The following RPTOR variants were observed in gnomAD, a reference collection of about 807,000 sequenced individuals.
The protein encoded by RPTOR is regulatory associated protein of MTOR complex 1.
Under a neutral mutation model 169.9 loss-of-function variants are expected in RPTOR, and 21 were observed. The ratio of observed to expected loss-of-function variants is 0.12; its 90% confidence interval spans 0.09 to 0.18. RPTOR has a LOEUF of 0.18. Ranked by LOEUF, RPTOR falls within the 10% of genes least tolerant of loss-of-function variation. The pLI, the probability that RPTOR is intolerant of heterozygous loss-of-function variation, is 1.00. For synonymous variants in RPTOR, 732 were observed against 753.2 expected (o/e 0.97, Z 0.46); for missense variants, 1,133 against 1,855.9 (o/e 0.61, Z 7.16).
At chr17:80,904,851 C>T (rs933863086) in intron 20 of RPTOR, among the ~76,000 whole-genome samples, 1 of 152,148 alleles carries the variant, frequency 6.6e-6, no homozygotes, top group Non-Finnish European at 1.5e-5. Flanking sequence ...GTGATCACAG[C>T]GTCATACTTT....
chr17:80,759,308 G>A (rs968125710), intron 6 of RPTOR, among the ~76,000 whole-genome samples: 2 of 152,182 alleles, frequency 1.3e-5, no homozygotes, highest in African/African-American at 4.8e-5. Flanking sequence ...AAGGCATGAT[G>A]TGTCATCCCA....
intron 7 of RPTOR, among the ~76,000 whole-genome samples, chr17:80,806,670 G>A (rs926871473): frequency 5.9e-5 from 9 of 152,082 alleles, no homozygotes; most frequent in Non-Finnish European, 8.8e-5. Context: ...ATACTTAGTC[G>A]TTTTCCAAGA....
At chr17:80,618,779 A>G (rs2065332733) in intron 1 of RPTOR, among the ~76,000 whole-genome samples, 1 of 152,254 alleles carries the variant, frequency 6.6e-6, no homozygotes, top group Admixed American at 6.5e-5. Flanking sequence ...GAACAAAGGA[A>G]TATAAAAATA....
At chr17:80,884,701 C>T (rs911061106) in intron 16 of RPTOR, among the ~76,000 whole-genome samples, 4 of 152,228 alleles carry the variant, frequency 2.6e-5, no homozygotes, top group Admixed American at 2.0e-4. Flanking sequence ...ATCCCAGCCC[C>T]CTCGTCTAAC....
At chr17:80,905,788 G>A (rs915542365) in intron 20 of RPTOR, among the ~76,000 whole-genome samples, 4 of 152,274 alleles carry the variant, frequency 2.6e-5, no homozygotes, top group African/African-American at 9.6e-5. Context: ...CACCCTCCTC[G>A]CAGTCTGCCA....
chr17:80,740,767 T>C (rs1194334481), intron 5 of RPTOR, among the ~76,000 whole-genome samples: 1 of 152,218 alleles, frequency 6.6e-6, no homozygotes, highest in African/African-American at 2.4e-5. Context: ...AGAACTTCAA[T>C]TTGATTTTTT....
intron 13 of RPTOR, among the ~76,000 whole-genome samples, chr17:80,879,191 A>G (rs2068156819): frequency 6.6e-6 from 1 of 152,066 alleles, no homozygotes; most frequent in Non-Finnish European, 1.5e-5. Flanking sequence ...TTCAGTGGGC[A>G]GCCCTCCACT....
chr17:80,893,421 T>G (rs2068356323), intron 19 of RPTOR, among the ~76,000 whole-genome samples: 1 of 141,406 alleles, frequency 7.1e-6, no homozygotes, highest in Non-Finnish European at 1.5e-5. Flanking sequence ...TACAAGGGTG[T>G]GTGTGTGCCA....
At chr17:80,610,470 T>C (rs550939243) in intron 1 of RPTOR, among the ~76,000 whole-genome samples, 1 of 152,134 alleles carries the variant, frequency 6.6e-6, no homozygotes, top group Non-Finnish European at 1.5e-5. Context: ...GCCTGCTGTC[T>C]CCATGGTATG....
At chr17:80,946,540 G>A (rs7208853) in intron 26 of RPTOR, among the ~76,000 whole-genome samples, 1 of 152,086 alleles carries the variant, frequency 6.6e-6, no homozygotes, top group Non-Finnish European at 1.5e-5. Context: ...CTGAAGTGGC[G>A]CACGCTAGGA....
intron 1 of RPTOR, among the ~76,000 whole-genome samples, chr17:80,564,066 CT>C (rs59934984): frequency 2.4e-3 from 350 of 144,248 alleles, no homozygotes; most frequent in African/African-American, 3.4e-3. Flanking sequence ...CATGTCTTTT[CT>C]TTTTTTTTTT....
At chr17:80,884,260 C>G (rs751966540) in intron 16 of RPTOR, among the ~76,000 whole-genome samples, 1 of 152,216 alleles carries the variant, frequency 6.6e-6, no homozygotes, top group Non-Finnish European at 1.5e-5. Context: ...GGGTGCCGCT[C>G]TGCGTCCTCA....
rs182641985 is a variant in RPTOR, at chr17:80,604,136, C to T, written c.163-21555C>T. On this transcript the variant is annotated intron_variant, in intron 1 of 33. Coordinates refer to ENST00000306801, the MANE Select transcript of RPTOR (RefSeq NM_020761.3). ...GGGGGAATAAAAACCTGAAAACAAG[C>T]GAATATTGACATGTACATCACCACT... Among the ~76,000 whole-genome samples the T allele has an allele frequency of 6.2e-4, 95 of 152,286 alleles. 1 individual carries two copies. Among genetic ancestry groups the T allele is most frequent in the Admixed American group, 1.7e-3 (26 of 15,300 alleles).
intron 1 of RPTOR, among the ~76,000 whole-genome samples, chr17:80,546,855 G>C (rs905555172): frequency 6.6e-6 from 1 of 152,126 alleles, no homozygotes; most frequent in Non-Finnish European, 1.5e-5. Flanking sequence ...GATCACCTGA[G>C]GTCAGGAGTT....
In RPTOR at chr17:80,647,124, G is replaced by T. The variant is rs546152244; in HGVS notation, c.348+3314G>T. Among the ~76,000 whole-genome samples the T allele has an allele frequency of 3.7e-4, 56 of 152,162 alleles. 1 individual carries two copies. The highest frequency in any genetic ancestry group is 2.0e-4 in the Admixed American group (3 of 15,284). ...TCTGAAGGCTGCCAGCCACTATCTG[G>T]CCCGTATTTCCTTGCTTAGGCCCAT... On this transcript the variant is annotated intron_variant, in intron 3 of 33. Coordinates refer to ENST00000306801, the MANE Select transcript of RPTOR (RefSeq NM_020761.3).
chr17:80,939,578 C>T (rs145293408), intron 24 of RPTOR, among the ~76,000 whole-genome samples: 9 of 152,338 alleles, frequency 5.9e-5, no homozygotes, highest in African/African-American at 2.2e-4. Context: ...TCAGCACCCT[C>T]CTAGCTCTTC....
At chr17:80,764,393 T>C (rs920565949) in intron 6 of RPTOR, among the ~76,000 whole-genome samples, 3 of 147,820 alleles carry the variant, frequency 2.0e-5, no homozygotes, top group Non-Finnish European at 4.5e-5. Flanking sequence ...TTCCCACCTA[T>C]GAGTGAGAAC....
chr17:80,711,202 G>GTA (rs1345887364), intron 4 of RPTOR, among the ~76,000 whole-genome samples: 2 of 152,158 alleles, frequency 1.3e-5, no homozygotes, highest in East Asian at 3.9e-4. Context: ...TTGGTGCTGG[G>GTA]TATATGTGCC....
At position 80,960,260 on chromosome 17, in the gene RPTOR, G is replaced by A; in HGVS notation, c.3605+55G>A. The A allele has an allele frequency of 1.2e-6, 2 of 1,606,680 alleles. No homozygotes were observed. Among genetic ancestry groups the A allele is most frequent in the Non-Finnish European group, 1.7e-6 (2 of 1,175,178 alleles). The stretch of plus-strand genomic sequence containing the variant: ...AGTGCTGGCAGGGTACCTTCCAGGT[G>A]GTAGGGCCGTGTCACTGCCATTTGG... On this transcript the variant is annotated intron_variant, in intron 30 of 33. Coordinates refer to ENST00000306801, the MANE Select transcript of RPTOR (RefSeq NM_020761.3). The surrounding 1 kb of genome is among the most constrained non-coding windows in gnomAD (Gnocchi z 4.8).
Sources: gnomAD v4.1 joint callset for allele counts (sites outside exome capture counted in the v4.1 genomes callset) on GRCh38, gnomAD v4.1.1 for gene constraint, Gnocchi (gnomAD v3.1) non-coding constraint, MANE v1.5 for transcripts, NCBI Gene and HGNC (gene_info 2026-07-23, HGNC 2026-07-21) for gene names.